Variants in IFT56 observed in about 807,000 individuals in gnomAD.
IFT56 encodes intraflagellar transport protein 56.
the IFT56 span, among the ~76,000 whole-genome samples, chr7:139,144,454 G>A: frequency 6.6e-6 from 1 of 151,756 alleles, no homozygotes. Context: ...TCCCAGATAT[G>A]GTTTTCTTTG....
At chr7:139,147,353 T>A in the IFT56 span, 2 of 1,400,630 alleles carry the variant, frequency 1.4e-6, no homozygotes, top group Non-Finnish European at 1.9e-6. Flanking sequence ...CTTTAACTAG[T>A]TTGAGAATCT....
chr7:139,147,003 A>G, the IFT56 span: 17 of 1,531,726 alleles, frequency 1.1e-5, no homozygotes, highest in Admixed American at 2.2e-4. Context: ...AGTAGAAGAC[A>G]AAGAACCTAA....
chr7:139,181,949 G>T, the IFT56 span, among the ~76,000 whole-genome samples: 1 of 152,088 alleles, frequency 6.6e-6, no homozygotes, highest in African/African-American at 2.4e-5. Context: ...GATTACCCAA[G>T]TAAAATGTAA....
the IFT56 span, chr7:139,165,157 C>T: frequency 6.2e-7 from 1 of 1,613,562 alleles, no homozygotes; most frequent in Non-Finnish European, 8.5e-7. Context: ...GGTGAAGGGG[C>T]TTTGCAGGTT....
At chr7:139,168,278 G>A in the IFT56 span, 1 of 1,031,540 alleles carries the variant, frequency 9.7e-7, no homozygotes, top group Admixed American at 2.2e-5. Context: ...TTAATGCAAG[G>A]AGTTAATTTG....
chr7:139,152,885 A>G, the IFT56 span, among the ~76,000 whole-genome samples: 1 of 152,180 alleles, frequency 6.6e-6, no homozygotes, highest in African/African-American at 2.4e-5. Context: ...ACAGTGTCTC[A>G]TGCCTGTAAT....
chr7:139,179,434 C>T, the IFT56 span: 1 of 625,970 alleles, frequency 1.6e-6, no homozygotes, highest in Non-Finnish European at 2.8e-6. Context: ...CAATTCTGTC[C>T]CTCACTTTTC....
chr7:139,153,336 A>G, the IFT56 span, among the ~76,000 whole-genome samples: 3 of 151,974 alleles, frequency 2.0e-5, no homozygotes, highest in South Asian at 6.2e-4. Flanking sequence ...CTGTCATCCC[A>G]GCTACACAGG....
At chr7:139,169,669 A>G in the IFT56 span, among the ~76,000 whole-genome samples, 1 of 152,214 alleles carries the variant, frequency 6.6e-6, no homozygotes, top group African/African-American at 2.4e-5. Context: ...ACATTCTGGT[A>G]GGTCATTTGC....
chr7:139,136,127 G>A, the IFT56 span, among the ~76,000 whole-genome samples: 1 of 152,156 alleles, frequency 6.6e-6, no homozygotes, highest in African/African-American at 2.4e-5. Context: ...GTTTCACCAT[G>A]TTGGCCAGGC....
chr7:139,153,642 G>C, the IFT56 span, among the ~76,000 whole-genome samples: 2 of 152,114 alleles, frequency 1.3e-5, no homozygotes, highest in East Asian at 3.9e-4. Context: ...GGTTCATCAT[G>C]TTGTAGCATC....
chr7:139,187,409 G>C, the IFT56 span: 1 of 1,613,796 alleles, frequency 6.2e-7, no homozygotes, highest in Admixed American at 1.7e-5. Context: ...TATTCAGATG[G>C]GCCAGTTTTA....
the IFT56 span, among the ~76,000 whole-genome samples, chr7:139,176,213 GT>G: frequency 0.016 from 2,506 of 152,144 alleles, 35 homozygotes; most frequent in South Asian, 0.032. Context: ...TAATTGGATT[GT>G]TTGTAACACA....
the IFT56 span, among the ~76,000 whole-genome samples, chr7:139,143,002 A>T: frequency 6.6e-6 from 1 of 152,204 alleles, no homozygotes; most frequent in South Asian, 2.1e-4. Context: ...CAAATTTAAA[A>T]TTTTAAATAA....
the IFT56 span, chr7:139,147,350 T>C: frequency 6.9e-7 from 1 of 1,441,942 alleles, no homozygotes; most frequent in South Asian, 1.3e-5. Context: ...CTTCTTTAAC[T>C]AGTTTGAGAA....
At chr7:139,179,489 TC>T in the IFT56 span, 1 of 1,066,486 alleles carries the variant, frequency 9.4e-7, no homozygotes, top group Admixed American at 1.7e-5. Flanking sequence ...GCTACAGTGA[TC>T]ATCAATCTAA....
the IFT56 span, among the ~76,000 whole-genome samples, chr7:139,174,849 C>T: frequency 6.6e-6 from 1 of 151,954 alleles, no homozygotes; most frequent in African/African-American, 2.4e-5. Context: ...GGTGAAACTC[C>T]ATCTCTACTA....
the IFT56 span, chr7:139,161,133 C>G: frequency 1.1e-6 from 1 of 889,632 alleles, no homozygotes. Flanking sequence ...ATGCTTTACT[C>G]CAAGGGAACC....
At chr7:139,186,103 G>C in the IFT56 span, among the ~76,000 whole-genome samples, 3 of 152,078 alleles carry the variant, frequency 2.0e-5, no homozygotes, top group African/African-American at 7.3e-5. Flanking sequence ...AGTGAAATTG[G>C]TAACAGTATG....
Sources: allele counts gnomAD v4.1 joint callset (sites outside exome capture counted in the v4.1 genomes callset), GRCh38; gene constraint gnomAD v4.1.1; transcripts MANE v1.5; gene names NCBI Gene and HGNC (gene_info 2026-07-23, HGNC 2026-07-21).